The following FAM13C variants were observed in gnomAD, a reference collection of about 807,000 sequenced individuals.
The protein encoded by FAM13C is protein FAM13C.
A neutral mutation model predicts 73.2 loss-of-function variants in FAM13C; 37 were observed. That is an observed-to-expected ratio of 0.51 (90% CI 0.39 to 0.67). The LOEUF (loss-of-function observed/expected upper bound fraction) is 0.67. Among genes scored for constraint, FAM13C ranks in the 30% least tolerant of loss-of-function variants. The pLI is 0.00. For missense variants in FAM13C, 589 were observed against 715.6 expected (o/e 0.82, Z 2.02); for synonymous variants, 246 against 260.9 (o/e 0.94, Z 0.55).
intron 11 of FAM13C, among the ~76,000 whole-genome samples, chr10:59,253,272 C>T (rs988546757): frequency 6.6e-6 from 1 of 152,206 alleles, no homozygotes; most frequent in Non-Finnish European, 1.5e-5. Context: ...AGGCACAGAC[C>T]ATTAGGATAT....
intron 6 of FAM13C, among the ~76,000 whole-genome samples, chr10:59,271,505 G>A (rs1411032304): frequency 6.6e-6 from 1 of 152,220 alleles, no homozygotes; most frequent in East Asian, 1.9e-4. Flanking sequence ...AGAAATGGAT[G>A]TGATGACAAA....
Position 59,287,336 on chromosome 10 carries a change from C to CAAAA in FAM13C, c.508-3893_508-3890dup, listed in dbSNP as rs58759332. Among the ~76,000 whole-genome samples, 63 of 73,826 alleles carry CAAAA rather than the reference C, an allele frequency of 8.5e-4. 1 individual carries two copies. The highest frequency in any genetic ancestry group is 1.2e-3 in the Non-Finnish European group (54 of 43,468). The allele number at this position is 73,826 out of a possible 152,430, so 48.4% of individuals were successfully genotyped here. A position where few individuals can be genotyped will look rare whatever the true frequency, so the allele number is the denominator to read the frequency against. The stretch of plus-strand genomic sequence containing the variant: ...TGGGTGACAGAGTGAGACTCTGTCT[C>CAAAA]AAAAAAAAAAAAAAAAAAAAAAAAA... On this transcript the variant is annotated intron_variant, in intron 5 of 13. Coordinates refer to ENST00000618804, the MANE Select transcript of FAM13C (RefSeq NM_198215.4).
chr10:59,261,951 T>C (rs1292730574), intron 10 of FAM13C, among the ~76,000 whole-genome samples: 1 of 152,134 alleles, frequency 6.6e-6, no homozygotes, highest in Non-Finnish European at 1.5e-5. Context: ...AGCTGAAGAC[T>C]TGTATTTCAA....
At chr10:59,317,472 T>C (rs1849680470) in intron 4 of FAM13C, among the ~76,000 whole-genome samples, 1 of 152,228 alleles carries the variant, frequency 6.6e-6, no homozygotes. Context: ...ATATCATTTC[T>C]AACAAAGGGC....
At chr10:59,337,652 CTTTTTTTTCTTTTTCTTTTTTTTTTT>C (rs1852892235) in intron 3 of FAM13C, among the ~76,000 whole-genome samples, 1 of 107,470 alleles carries the variant, frequency 9.3e-6, no homozygotes, top group African/African-American at 3.3e-5. Context: ...TTTCCATTTT[CTTTTTTTTCTTTTTCTTTTTTTTTTT>C]TTTTTTTTTT....
chr10:59,351,141 T>A (rs1854979118), intron 3 of FAM13C, among the ~76,000 whole-genome samples: 1 of 151,806 alleles, frequency 6.6e-6, no homozygotes, highest in Non-Finnish European at 1.5e-5. Flanking sequence ...ACTTGCCTGG[T>A]CAACATGGTG....
At chr10:59,284,227 G>A (rs1328999029) in intron 5 of FAM13C, among the ~76,000 whole-genome samples, 1 of 151,998 alleles carries the variant, frequency 6.6e-6, no homozygotes, top group African/African-American at 2.4e-5. Flanking sequence ...TTTCTCCCAT[G>A]ATTCTTAATA....
intron 4 of FAM13C, among the ~76,000 whole-genome samples, chr10:59,307,959 T>A (rs118065509): frequency 0.015 from 2,280 of 152,186 alleles, 30 homozygotes; most frequent in Non-Finnish European, 0.025. Flanking sequence ...TAGCTAGCCA[T>A]CTCAAACTCC....
chr10:59,357,500 G>T (rs984783303), intron 1 of FAM13C, among the ~76,000 whole-genome samples: 6 of 152,172 alleles, frequency 3.9e-5, no homozygotes, highest in African/African-American at 1.4e-4. Context: ...AAGAGGTCTG[G>T]TCTCTGAAAT....
At chr10:59,261,334 T>G (rs1418508022) in intron 10 of FAM13C, among the ~76,000 whole-genome samples, 2 of 152,128 alleles carry the variant, frequency 1.3e-5, no homozygotes, top group Non-Finnish European at 2.9e-5. Context: ...CATTTCTACT[T>G]GTAGATCACA....
intron 6 of FAM13C, chr10:59,270,372 A>C (rs1843573282): frequency 2.5e-6 from 1 of 401,880 alleles, no homozygotes; most frequent in Admixed American, 4.2e-5. Context: ...CCCAAACTAC[A>C]AAACAATCTT....
At chr10:59,260,187 A>T (rs1263471639) in intron 10 of FAM13C, among the ~76,000 whole-genome samples, 1 of 152,024 alleles carries the variant, frequency 6.6e-6, no homozygotes, top group Non-Finnish European at 1.5e-5. Context: ...CACCGTGCTA[A>T]TCCAAGCCAC....
chr10:59,315,937 CT>C (rs1406475992), intron 4 of FAM13C, among the ~76,000 whole-genome samples: 1 of 152,034 alleles, frequency 6.6e-6, no homozygotes, highest in Non-Finnish European at 1.5e-5. Flanking sequence ...TTGTATATCT[CT>C]TTTTTTCTTT....
chr10:59,362,592 C>A, upstream of FAM13C: 1 of 1,508,976 alleles, frequency 6.6e-7, no homozygotes, highest in Non-Finnish European at 8.8e-7. Flanking sequence ...CTGCTGTCTG[C>A]ACATGCTCGT....
chr10:59,331,477 G>A (rs1475939723), intron 3 of FAM13C, among the ~76,000 whole-genome samples: 1 of 152,200 alleles, frequency 6.6e-6, no homozygotes, highest in African/African-American at 2.4e-5. Context: ...GGGACAGGCA[G>A]AAGCCAGATC....
intron 1 of FAM13C, among the ~76,000 whole-genome samples, chr10:59,360,853 GAAAAAAAAAAAAA>G (rs10615623): frequency 8.6e-5 from 5 of 58,036 alleles, no homozygotes; most frequent in East Asian, 7.6e-4. Flanking sequence ...AACCTCTACA[GAAAAAAAAAAAAA>G]AAAAAAAAAA....
chr10:59,268,783 C>A, intron 7 of FAM13C, 92 bp from the exon 8 acceptor site: 1 of 1,425,038 alleles, frequency 7.0e-7, no homozygotes, highest in South Asian at 1.4e-5. Context: ...CCTGGATTGT[C>A]AGAGAAGTCC....
At chr10:59,307,748 G>A (rs1382552483) in intron 4 of FAM13C, among the ~76,000 whole-genome samples, 1 of 152,112 alleles carries the variant, frequency 6.6e-6, no homozygotes, top group Non-Finnish European at 1.5e-5. Flanking sequence ...AGAAAGCAAG[G>A]CAAGAAGAAC....
intron 4 of FAM13C, among the ~76,000 whole-genome samples, chr10:59,318,467 TAG>T (rs1333064968): frequency 6.6e-6 from 1 of 152,160 alleles, no homozygotes; most frequent in Non-Finnish European, 1.5e-5. Context: ...TTTAAATATC[TAG>T]AGTGTTGAGC....
Sources: gnomAD v4.1 joint callset for allele counts (sites outside exome capture counted in the v4.1 genomes callset) on GRCh38, gnomAD v4.1.1 for gene constraint, MANE v1.5 for transcripts, NCBI Gene and HGNC (gene_info 2026-07-23, HGNC 2026-07-21) for gene names.